C8orf34: variants seen among roughly 807,000 people sequenced by gnomAD.
The protein encoded by C8orf34 is chromosome 8 open reading frame 34, also known as uncharacterized protein C8orf34.
C8orf34 carries 65 observed loss-of-function variants against 68.3 expected under a neutral mutation model. The observed-to-expected ratio is 0.95, with a 90% CI of 0.78 to 1.17. The LOEUF is 1.17. Ranked by LOEUF, C8orf34 falls within the 50% of genes most tolerant of loss-of-function variation. The pLI, the probability that C8orf34 is intolerant of heterozygous loss-of-function variation, is 0.00. For missense variants in C8orf34, 664 were observed against 655.4 expected, an observed-to-expected ratio of 1.01 and a Z score of -0.14; for synonymous variants, 244 against 241.2, an observed-to-expected ratio of 1.01 and a Z score of -0.11.
intron 5 of C8orf34, among the ~76,000 whole-genome samples, chr8:68,509,212 A>G (rs6982458): frequency 0.034 from 5,169 of 152,244 alleles, 300 homozygotes; most frequent in African/African-American, 0.12. Flanking sequence ...TCAGAGGCCA[A>G]TCTAAGGGTT....
At chr8:68,446,830 G>A in intron 3 of C8orf34, 2 of 237,254 alleles carry the variant, frequency 8.4e-6, no homozygotes, top group South Asian at 1.8e-4. Flanking sequence ...TAGAATAGAA[G>A]CAAAGAAGAT....
intron 5 of C8orf34, among the ~76,000 whole-genome samples, chr8:68,489,114 T>G (rs2129631674): frequency 6.6e-6 from 1 of 152,346 alleles, no homozygotes; most frequent in South Asian, 2.1e-4. Flanking sequence ...TTTGAAAATC[T>G]CTTTAATGTA....
chr8:68,528,233 C>G (rs1159326973), intron 6 of C8orf34, among the ~76,000 whole-genome samples: 1 of 152,116 alleles, frequency 6.6e-6, no homozygotes, highest in Admixed American at 6.6e-5. Flanking sequence ...GAATTCCACC[C>G]TACCTCCCCA....
At chr8:68,602,454 G>T (rs1406007185) in intron 7 of C8orf34, among the ~76,000 whole-genome samples, 1 of 152,156 alleles carries the variant, frequency 6.6e-6, no homozygotes. Flanking sequence ...AGAGAAATGA[G>T]AGCTGAGTGA....
chr8:68,335,857 A>G (rs887814832), intron 1 of C8orf34, among the ~76,000 whole-genome samples: 1 of 152,180 alleles, frequency 6.6e-6, no homozygotes, highest in Admixed American at 6.5e-5. Flanking sequence ...AGGCAGCTGG[A>G]TCACTTGAGG....
At chr8:68,660,393 T>A (rs1201515190) in intron 8 of C8orf34, among the ~76,000 whole-genome samples, 1 of 152,220 alleles carries the variant, frequency 6.6e-6, no homozygotes, top group Non-Finnish European at 1.5e-5. Context: ...AGCAGAGTAC[T>A]GCCCATGGGT....
intron 3 of C8orf34, among the ~76,000 whole-genome samples, chr8:68,465,476 A>G (rs1052669333): frequency 2.6e-5 from 4 of 151,782 alleles, no homozygotes; most frequent in Non-Finnish European, 5.9e-5. Context: ...ACTATAAATC[A>G]TACTGCTATA....
chr8:68,780,306 T>A (rs1823639261), intron 11 of C8orf34, among the ~76,000 whole-genome samples: 1 of 152,174 alleles, frequency 6.6e-6, no homozygotes. Flanking sequence ...CACCCAATCA[T>A]CTTTTGTTTT....
intron 1 of C8orf34, among the ~76,000 whole-genome samples, chr8:68,332,112 A>G (rs1043904365): frequency 6.6e-6 from 1 of 151,886 alleles, no homozygotes; most frequent in Non-Finnish European, 1.5e-5. Context: ...CTCTCTCGCC[A>G]TTAAAGAATT....
chr8:68,331,625 C>G (rs75503593), intron 1 of C8orf34: 7,909 of 470,988 alleles, frequency 0.017, 110 homozygotes, highest in African/African-American at 0.042. Context: ...TGTCCTGCAC[C>G]TCTCAGCTAC....
chr8:68,566,495 T>A (rs1226084014), intron 7 of C8orf34, among the ~76,000 whole-genome samples: 4 of 152,244 alleles, frequency 2.6e-5, no homozygotes, highest in Non-Finnish European at 4.4e-5. Context: ...AGCTTCTACA[T>A]GAGCACTTGC....
intron 8 of C8orf34, among the ~76,000 whole-genome samples, chr8:68,647,069 T>C (rs1349451604): frequency 6.6e-6 from 1 of 152,084 alleles, no homozygotes; most frequent in Admixed American, 6.6e-5. Context: ...ATCCAGAATA[T>C]ATAAGGAACT....
intron 7 of C8orf34, chr8:68,534,779 T>C: frequency 3.0e-6 from 3 of 985,402 alleles, no homozygotes; most frequent in Non-Finnish European, 3.6e-6. Flanking sequence ...TTTCAGGAGA[T>C]GCAGTTGTCC....
intron 1 of C8orf34, among the ~76,000 whole-genome samples, chr8:68,347,109 CT>C (rs958895177): frequency 2.3e-4 from 35 of 152,018 alleles, no homozygotes; most frequent in African/African-American, 7.7e-4. Context: ...CCTCTTCCCC[CT>C]CCCACCCTCC....
intron 10 of C8orf34, among the ~76,000 whole-genome samples, chr8:68,762,845 G>C (rs1041555612): frequency 7.9e-5 from 12 of 152,166 alleles, no homozygotes; most frequent in African/African-American, 2.7e-4. Context: ...AGAACATCTT[G>C]GGGCTCTTCT....
At chr8:68,443,482 C>A (rs2129626385) in intron 2 of C8orf34, among the ~76,000 whole-genome samples, 1 of 152,104 alleles carries the variant, frequency 6.6e-6, no homozygotes, top group East Asian at 1.9e-4. Context: ...GCAACCTCTG[C>A]CTCCTGGGTT....
intron 1 of C8orf34, among the ~76,000 whole-genome samples, chr8:68,333,440 T>C (rs1237277666): frequency 6.6e-6 from 1 of 152,238 alleles, no homozygotes; most frequent in Non-Finnish European, 1.5e-5. Flanking sequence ...GAAAAATGGA[T>C]AATAAATTCT....
At chr8:68,528,985 G>C (rs1815132969) in intron 6 of C8orf34, among the ~76,000 whole-genome samples, 1 of 152,140 alleles carries the variant, frequency 6.6e-6, no homozygotes, top group African/African-American at 2.4e-5. Flanking sequence ...CTCAGCGCTA[G>C]GTCCTTACTC....
intron 7 of C8orf34, among the ~76,000 whole-genome samples, chr8:68,556,958 AT>A (rs1028492187): frequency 6.6e-6 from 1 of 152,140 alleles, no homozygotes; most frequent in African/African-American, 2.4e-5. Context: ...CTTATAATAA[AT>A]TTTTTTAAAC....
Sources: gnomAD v4.1 joint callset for allele counts (sites outside exome capture counted in the v4.1 genomes callset) on GRCh38, gnomAD v4.1.1 for gene constraint, MANE v1.5 for transcripts, NCBI Gene and HGNC (gene_info 2026-07-23, HGNC 2026-07-21) for gene names.